The following STXBP5L variants were observed in gnomAD, a reference collection of about 807,000 sequenced individuals.
STXBP5L encodes syntaxin-binding protein 5-like.
Under a neutral mutation model 144.5 loss-of-function variants are expected in STXBP5L, and 65 were observed. The ratio of observed to expected loss-of-function variants is 0.45; its 90% confidence interval spans 0.37 to 0.55. STXBP5L has a LOEUF of 0.55. STXBP5L is among the 20% of genes least tolerant of loss of function. The pLI is 0.00. For synonymous variants in STXBP5L, 505 were observed against 469.6 expected (o/e 1.08, Z -0.97); for missense variants, 1,298 against 1,405.5 (o/e 0.92, Z 1.22).
intron 9 of STXBP5L, among the ~76,000 whole-genome samples, chr3:121,188,282 G>C (rs2047485290): frequency 6.6e-6 from 1 of 152,148 alleles, no homozygotes; most frequent in African/African-American, 2.4e-5. Context: ...CCACATAGTT[G>C]AAAGTAAAGC....
chr3:121,035,608 G>T (rs1422169568), intron 3 of STXBP5L, among the ~76,000 whole-genome samples: 1 of 152,056 alleles, frequency 6.6e-6, no homozygotes, highest in East Asian at 1.9e-4. Flanking sequence ...GGTTACTGTA[G>T]CTTTGTAGTG....
chr3:121,124,128 A>G (rs900337561), intron 7 of STXBP5L, among the ~76,000 whole-genome samples: 4 of 151,918 alleles, frequency 2.6e-5, no homozygotes, highest in Non-Finnish European at 5.9e-5. Context: ...TCACTCATAT[A>G]TCAAGTTCCA....
intron 23 of STXBP5L, among the ~76,000 whole-genome samples, chr3:121,409,244 A>T (rs973859285): frequency 6.6e-6 from 1 of 151,918 alleles, no homozygotes; most frequent in Non-Finnish European, 1.5e-5. Context: ...GTAGTGAAAG[A>T]AAGAATAAGA....
chr3:121,326,998 G>C (rs1434363398), intron 20 of STXBP5L, among the ~76,000 whole-genome samples: 2 of 150,212 alleles, frequency 1.3e-5, no homozygotes, highest in Non-Finnish European at 3.0e-5. Context: ...TCCCATTAAA[G>C]TAGTAGCCAT....
intron 2 of STXBP5L, among the ~76,000 whole-genome samples, chr3:120,952,792 T>A (rs1169272108): frequency 6.6e-6 from 1 of 152,038 alleles, no homozygotes; most frequent in Non-Finnish European, 1.5e-5. Context: ...TAAGGGTGTG[T>A]ACAATTTTTA....
chr3:121,213,161 G>A (rs1386501591), intron 10 of STXBP5L, among the ~76,000 whole-genome samples: 1 of 152,172 alleles, frequency 6.6e-6, no homozygotes, highest in Non-Finnish European at 1.5e-5. Flanking sequence ...TGCAAACAGA[G>A]ACAATTTGAA....
chr3:121,381,583 A>T lies in STXBP5L; in HGVS notation c.2587+51A>T, dbSNP rs754915354. The stretch of plus-strand genomic sequence containing the variant: ...TTCACTGTTACTTTTTCAAATTTAG[A>T]TATAAGGTATTATAAACATAAATTT... On this transcript the variant is annotated intron_variant, in intron 22 of 26. Coordinates refer to ENST00000471454, the MANE Select transcript of STXBP5L (RefSeq NM_001308330.2). 19 of 1,568,026 alleles carry T rather than the reference A, an allele frequency of 1.2e-5. No homozygotes were observed. In the Admixed American group the frequency reaches 4.2e-4, roughly 34 times the overall value.
intron 4 of STXBP5L, among the ~76,000 whole-genome samples, chr3:121,043,592 C>G (rs545233401): frequency 1.3e-5 from 2 of 152,188 alleles, no homozygotes; most frequent in South Asian, 4.1e-4. Context: ...ACCTGTAGTC[C>G]CAGCTACTCA....
chr3:121,407,216 G>A (rs368374316), intron 22 of STXBP5L, 27 bp from the exon 23 acceptor site: 5 of 1,527,704 alleles, frequency 3.3e-6, no homozygotes, highest in Admixed American at 2.2e-5. Context: ...AATTTGACAT[G>A]TCAGTGATGT....
chr3:121,110,276 T>C (rs992679873), intron 5 of STXBP5L, among the ~76,000 whole-genome samples: 8 of 152,236 alleles, frequency 5.3e-5, no homozygotes, highest in African/African-American at 1.9e-4. Context: ...TTTTGCAGAC[T>C]TGTTGATGTA....
At chr3:121,259,274 A>ATCTTT (rs1311292545) in intron 18 of STXBP5L, 106 bp downstream of exon 18, 3 of 843,180 alleles carry the variant, frequency 3.6e-6, no homozygotes, top group African/African-American at 1.8e-5. Flanking sequence ...CCTTACCTGG[A>ATCTTT]TTTTTATTAG....
intron 5 of STXBP5L, among the ~76,000 whole-genome samples, chr3:121,110,727 A>G (rs2043943547): frequency 6.6e-6 from 1 of 152,018 alleles, no homozygotes; most frequent in South Asian, 2.1e-4. Flanking sequence ...TTCTTATGGA[A>G]TATCTTACTG....
intron 2 of STXBP5L, among the ~76,000 whole-genome samples, chr3:120,953,502 CTTTTTT>C (rs758605593): frequency 7.6e-6 from 1 of 132,108 alleles, no homozygotes; most frequent in Non-Finnish European, 1.6e-5. Flanking sequence ...TGAATTTTTC[CTTTTTT>C]TTTTTTTTTT....
At chr3:121,107,806 A>G (rs909964630) in intron 5 of STXBP5L, among the ~76,000 whole-genome samples, 6 of 152,198 alleles carry the variant, frequency 3.9e-5, no homozygotes, top group Non-Finnish European at 8.8e-5. Flanking sequence ...TTTAGGCAGT[A>G]TGGCCATTTT....
intron 9 of STXBP5L, among the ~76,000 whole-genome samples, chr3:121,181,808 G>C (rs923011540): frequency 2.6e-5 from 4 of 152,102 alleles, no homozygotes; most frequent in Admixed American, 2.6e-4. Context: ...ATCTTTAAGA[G>C]ATTCACCTAA....
chr3:121,174,401 T>G (rs2046850959), intron 9 of STXBP5L, among the ~76,000 whole-genome samples: 1 of 152,106 alleles, frequency 6.6e-6, no homozygotes, highest in African/African-American at 2.4e-5. Flanking sequence ...TGTCTGCCTG[T>G]TTTTTCAGAT....
intron 9 of STXBP5L, among the ~76,000 whole-genome samples, chr3:121,170,691 C>T (rs2046676335): frequency 6.6e-6 from 1 of 152,152 alleles, no homozygotes. Context: ...AAAATTGAGG[C>T]AGTAATTATT....
intron 3 of STXBP5L, among the ~76,000 whole-genome samples, chr3:120,955,312 T>C (rs1002770097): frequency 2.0e-5 from 3 of 152,030 alleles, no homozygotes; most frequent in African/African-American, 2.4e-5. Flanking sequence ...ATTGTATTGA[T>C]TCTCATGATT....
intron 6 of STXBP5L, among the ~76,000 whole-genome samples, chr3:121,120,298 T>TA (rs2044401579): frequency 6.6e-6 from 1 of 151,254 alleles, no homozygotes; most frequent in Non-Finnish European, 1.5e-5. Flanking sequence ...TTTATACCTT[T>TA]ATAGAACACT....
Sources: gnomAD v4.1 joint callset for allele counts (sites outside exome capture counted in the v4.1 genomes callset) on GRCh38, gnomAD v4.1.1 for gene constraint, MANE v1.5 for transcripts, NCBI Gene and HGNC (gene_info 2026-07-23, HGNC 2026-07-21) for gene names.